Variants in PDHX observed in about 807,000 individuals in gnomAD.
PDHX encodes the protein pyruvate dehydrogenase protein X component, mitochondrial.
Under a neutral mutation model 55.3 loss-of-function variants are expected in PDHX, and 33 were observed. The observed-to-expected ratio is 0.60, with a 90% confidence interval of 0.45 to 0.80. The LOEUF (loss-of-function observed/expected upper bound fraction) is 0.80, where lower values mean the gene tolerates loss of function less well. PDHX is among the 30% of genes least tolerant of loss of function. PDHX has a pLI of 0.00. For missense variants in PDHX, 622 were observed against 619.9 expected (o/e 1.00, Z -0.04); for synonymous variants, 226 against 219.4 (o/e 1.03, Z -0.27).
rs528332009 is a variant in PDHX at position 34,951,791 on chromosome 11, G to T, written c.342+4185G>T. On this transcript the variant is annotated intron_variant, in intron 3 of 10. Coordinates refer to ENST00000227868, the MANE Select transcript of PDHX (RefSeq NM_003477.3). Reference sequence around the variant, plus strand: ...CTTGCCCATGCCTGTGTCCTGAATGGTAATGCCTAGGTTTTCTTCTAGGGT... The same window carrying T: ...CTTGCCCATGCCTGTGTCCTGAATGTTAATGCCTAGGTTTTCTTCTAGGGT... 3.3e-3 allele frequency among the ~76,000 whole-genome samples: 495 copies of T among 152,252 alleles called. 3 individuals are homozygous for T. The highest frequency in any genetic ancestry group is 4.5e-3 in the Non-Finnish European group (309 of 68,022).
At chr11:34,982,075 A>C (rs1156269899) in intron 8 of PDHX, among the ~76,000 whole-genome samples, 6 of 152,138 alleles carry the variant, frequency 3.9e-5, no homozygotes, top group Admixed American at 3.9e-4. Context: ...AAGTCCTTGC[A>C]CATGCCTGTG....
chr11:34,923,883 A>G (rs574276004), intron 1 of PDHX, among the ~76,000 whole-genome samples: 24 of 152,216 alleles, frequency 1.6e-4, no homozygotes, highest in Non-Finnish European at 3.4e-4. Flanking sequence ...AGTGATTTTA[A>G]TGAGAGGTTG....
chr11:34,937,313 C>G (rs1234871973), intron 2 of PDHX, among the ~76,000 whole-genome samples: 1 of 152,000 alleles, frequency 6.6e-6, no homozygotes, highest in Non-Finnish European at 1.5e-5. Context: ...ATAAGTAAAT[C>G]TTTTCAATGT....
Position 34,995,672 on chromosome 11 carries a change from T to C in PDHX, c.*500T>C, listed in dbSNP as rs536022201. On this transcript the variant is annotated 3_prime_UTR_variant, in exon 11 of 11. Coordinates refer to ENST00000227868, the MANE Select transcript of PDHX (RefSeq NM_003477.3). ...AGAATTTAATAGGTACAGAAGTTTA[T>C]TCTGGATAATAAATAAATAAGGATC... is the stretch of plus-strand genomic sequence containing the variant. 3.9e-4 allele frequency: 69 copies of C among 176,046 alleles called. No homozygotes were observed. Among genetic ancestry groups the C allele is most frequent in the African/African-American group, 1.5e-3 (64 of 41,768 alleles). The allele number at this position is 176,046 out of a possible 1,614,324, so 10.9% of individuals were successfully genotyped here. A position where few individuals can be genotyped will look rare whatever the true frequency, so the allele number is the denominator to read the frequency against.
intron 10 of PDHX, among the ~76,000 whole-genome samples, chr11:34,994,400 G>A (rs904334570): frequency 6.6e-6 from 1 of 152,208 alleles, no homozygotes; most frequent in Admixed American, 6.5e-5. Flanking sequence ...AATGGAGCTT[G>A]CAAGACTAGA....
At chr11:34,937,824 T>A (rs1486358213) in intron 2 of PDHX, among the ~76,000 whole-genome samples, 1 of 152,206 alleles carries the variant, frequency 6.6e-6, no homozygotes, top group Non-Finnish European at 1.5e-5. Flanking sequence ...GGTTACCTGG[T>A]AGAAGCCATT....
chr11:34,954,361 C>T (rs1340758395), intron 3 of PDHX, among the ~76,000 whole-genome samples: 1 of 152,190 alleles, frequency 6.6e-6, no homozygotes, highest in Non-Finnish European at 1.5e-5. Flanking sequence ...CATCTCATAT[C>T]CCTGTGTACA....
intron 7 of PDHX, 41 bp from the exon 8 acceptor site, chr11:34,978,083 T>C (rs531632884): frequency 9.8e-6 from 10 of 1,019,330 alleles, no homozygotes; most frequent in South Asian, 7.7e-5. Context: ...GTTAAAGTTA[T>C]ATTAGGAATA....
chr11:34,960,511 A>C lies in PDHX; in HGVS notation c.634A>C (p.Thr212Pro). 6.3e-7 allele frequency: 1 copy of C among 1,580,816 alleles called. No individual in the cohort carries two copies. The highest frequency in any genetic ancestry group is 8.7e-7 in the Non-Finnish European group (1 of 1,149,962). The change falls in exon 5 of 11, where the codon ACT becomes CCT. Residue 212 changes from threonine (T) to proline (P), a missense_variant. Coordinates refer to ENST00000227868, the MANE Select transcript of PDHX (RefSeq NM_003477.3). ...GTATGPRGIF[T>P]KEDALKLVQL... Reference sequence around the variant, plus strand: ...AGCCACTGGCCCTCGGGGGATATTCACTAAAGAGTATGTGTTTGCTTTTTG... The same window carrying C: ...AGCCACTGGCCCTCGGGGGATATTCCCTAAAGAGTATGTGTTTGCTTTTTG...
upstream of PDHX, chr11:34,916,148 C>G: frequency 3.2e-6 from 5 of 1,541,344 alleles, no homozygotes; most frequent in Non-Finnish European, 4.4e-6. Context: ...GGCCCGCTAC[C>G]CTGCGCCCAG....
At chr11:34,963,760 A>G (rs1010233973) in intron 5 of PDHX, among the ~76,000 whole-genome samples, 4 of 152,248 alleles carry the variant, frequency 2.6e-5, no homozygotes, top group African/African-American at 7.2e-5. Context: ...CTCAGAATAC[A>G]TGTTGTACCA....
intron 1 of PDHX, among the ~76,000 whole-genome samples, chr11:34,922,661 GC>G (rs1853913786): frequency 6.6e-6 from 1 of 152,112 alleles, no homozygotes; most frequent in Admixed American, 6.5e-5. Flanking sequence ...TTCTGTGACA[GC>G]CTATCATTTT....
rs111550064 is a variant in PDHX, at chr11:34,935,578, C to T, written c.241+4094C>T. Among the ~76,000 whole-genome samples, 392 of 152,230 alleles carry T rather than the reference C, an allele frequency of 2.6e-3. 2 individuals are homozygous for T. The highest frequency in any genetic ancestry group is 8.9e-3 in the African/African-American group (371 of 41,542). ...GCCACTGGATAACCTCTTTTAGCACCCTATGTAGCTGTCTTTCTCTGTGCT... is the reference window on the plus strand; with the variant it reads ...GCCACTGGATAACCTCTTTTAGCACTCTATGTAGCTGTCTTTCTCTGTGCT... On this transcript the variant is annotated intron_variant, in intron 2 of 10. Transcript: ENST00000227868.
intron 1 of PDHX, among the ~76,000 whole-genome samples, chr11:34,928,050 A>G (rs2133943335): frequency 6.6e-6 from 1 of 152,276 alleles, no homozygotes; most frequent in East Asian, 1.9e-4. Context: ...AGGTTTCATA[A>G]TATAGTCCTT....
At chr11:34,979,548 T>G (rs1198952344) in intron 8 of PDHX, among the ~76,000 whole-genome samples, 3 of 152,194 alleles carry the variant, frequency 2.0e-5, no homozygotes, top group Non-Finnish European at 2.9e-5. Context: ...GGTGTAATGG[T>G]TAGCACTCTG....
chr11:34,978,486 C>CT (rs1334613330), intron 8 of PDHX, among the ~76,000 whole-genome samples: 1 of 151,898 alleles, frequency 6.6e-6, no homozygotes, highest in East Asian at 1.9e-4. Context: ...GAGACAAACA[C>CT]TATTATATGT....
At position 34,947,534 on chromosome 11, in the gene PDHX, A is replaced by G; in HGVS notation, c.270A>G (p.Leu90=). The change falls in exon 3 of 11, where the codon TTA becomes TTG. Residue 90 remains leucine (L), a synonymous_variant. Coordinates refer to ENST00000227868, the MANE Select transcript of PDHX (RefSeq NM_003477.3). The part of the protein sequence containing the change: ...EGEAVSAGDA[L]CEIETDKAVV... Reference sequence around the variant, plus strand: ...AAGCGGTGAGTGCTGGAGATGCATTATGTGAAATTGAGACTGACAAAGCTG... The same window carrying G: ...AAGCGGTGAGTGCTGGAGATGCATTGTGTGAAATTGAGACTGACAAAGCTG... 2 of 1,613,504 alleles carry G rather than the reference A, an allele frequency of 1.2e-6. No individual in the cohort carries two copies. Among genetic ancestry groups the G allele is most frequent in the Non-Finnish European group, 1.7e-6 (2 of 1,179,494 alleles).
At chr11:34,917,655 G>T (rs573145642) in intron 1 of PDHX, among the ~76,000 whole-genome samples, 1 of 151,972 alleles carries the variant, frequency 6.6e-6, no homozygotes, top group South Asian at 2.1e-4. Context: ...TCTAGTAGAC[G>T]TTGCCTTCAT....
chr11:34,988,272 G>T (rs1236559588), intron 9 of PDHX, among the ~76,000 whole-genome samples: 11 of 152,068 alleles, frequency 7.2e-5, no homozygotes, highest in Admixed American at 6.6e-4. Context: ...ACCAGTTTTT[G>T]CTGTAAGCCT....
Sources: gnomAD v4.1 joint callset for allele counts (sites outside exome capture counted in the v4.1 genomes callset) on GRCh38, gnomAD v4.1.1 for gene constraint, MANE v1.5 for transcripts, NCBI Gene and HGNC (gene_info 2026-07-23, HGNC 2026-07-21) for gene names.